The following SNX27 variants were observed in gnomAD, a reference collection of about 807,000 sequenced individuals.
SNX27 encodes the protein sorting nexin 27.
A neutral mutation model predicts 71.6 loss-of-function variants in SNX27; 22 were observed. That is an observed-to-expected ratio of 0.31 (90% CI 0.22 to 0.44). The LOEUF is 0.44. Among genes scored for constraint, SNX27 ranks in the 20% least tolerant of loss-of-function variants. SNX27 has a pLI of 1.00. For missense variants in SNX27, 531 were observed against 698.6 expected (o/e 0.76, Z 2.70); for synonymous variants, 269 against 277.2 (o/e 0.97, Z 0.29).
At chr1:151,624,340 G>T (rs1408735284) in intron 1 of SNX27, among the ~76,000 whole-genome samples, 2 of 150,750 alleles carry the variant, frequency 1.3e-5, no homozygotes, top group Non-Finnish European at 2.9e-5. Flanking sequence ...TTGGTGACAA[G>T]TGGTTACATT....
chr1:151,651,958 G>A (rs927956695), intron 2 of SNX27, among the ~76,000 whole-genome samples: 17 of 152,226 alleles, frequency 1.1e-4, no homozygotes, highest in East Asian at 7.8e-4. Flanking sequence ...CCGGCACCTG[G>A]GGAGGCCGAG....
intron 2 of SNX27, among the ~76,000 whole-genome samples, chr1:151,648,698 C>T (rs182236483): frequency 2.2e-4 from 34 of 152,104 alleles, no homozygotes; most frequent in Middle Eastern, 3.4e-3. Context: ...GGATTACAGG[C>T]GTGAGCCACC....
chr1:151,612,453 G>C lies in SNX27; in HGVS notation c.252G>C (p.Val84=), dbSNP rs1415146870. The C allele has an allele frequency of 4.9e-6, 7 of 1,437,722 alleles. No individual in the cohort carries two copies. Among genetic ancestry groups the C allele is most frequent in the Non-Finnish European group, 5.5e-6 (6 of 1,096,576 alleles). The allele number at this position is 1,437,722 out of a possible 1,614,324, so 89.1% of individuals were successfully genotyped here. A position where few individuals can be genotyped will look rare whatever the true frequency, so the allele number is the denominator to read the frequency against. The change falls in exon 1 of 12, where the codon GTG becomes GTC. Residue 84 remains valine (V), a synonymous_variant. Transcript: ENST00000458013. This position sits in a 1 kb window ranked among gnomAD's most constrained non-coding sequence, Gnocchi z 5.2. The part of the protein sequence containing the change: ...LYAPLQHVSA[V]LPGGAADRAG... ...CGCCGCTGCAGCATGTGAGCGCCGT[G>C]CTGCCCGGGGGGGCGGCCGATCGGG... is the stretch of plus-strand genomic sequence containing the variant.
At chr1:151,681,557 T>C (rs1670967912) in intron 7 of SNX27, among the ~76,000 whole-genome samples, 1 of 152,142 alleles carries the variant, frequency 6.6e-6, no homozygotes, top group Non-Finnish European at 1.5e-5. Flanking sequence ...GACTTAATCT[T>C]GAACTCATTT....
intron 2 of SNX27, among the ~76,000 whole-genome samples, chr1:151,656,535 T>G (rs1420403252): frequency 6.6e-6 from 1 of 152,192 alleles, no homozygotes; most frequent in Non-Finnish European, 1.5e-5. Flanking sequence ...GAGAATAAAT[T>G]GGTACAACCA....
intron 2 of SNX27, among the ~76,000 whole-genome samples, chr1:151,641,695 CAT>C (rs1285974901): frequency 1.6e-5 from 2 of 125,020 alleles, no homozygotes; most frequent in East Asian, 4.7e-4. Flanking sequence ...ATATATATAT[CAT>C]ATATATGATA....
chr1:151,655,952 C>T (rs1170507514), intron 2 of SNX27, among the ~76,000 whole-genome samples: 10 of 152,066 alleles, frequency 6.6e-5, no homozygotes, highest in Non-Finnish European at 2.9e-5. Context: ...TGGCCGGACA[C>T]GGGTCTCACA....
chr1:151,693,492 G>A lies in SNX27; in HGVS notation c.1578+9G>A. 1 of 1,614,034 alleles carries A rather than the reference G, an allele frequency of 6.2e-7. No homozygotes were observed. Among genetic ancestry groups the A allele is most frequent in the Non-Finnish European group, 8.5e-7 (1 of 1,179,932 alleles). On this transcript the variant is annotated intron_variant, in intron 11 of 11. Transcript: ENST00000458013. ...TCAAGTGGAGAAAAGAGGTAATTCTGAACAGTCCTTGAATTGACCTTTTCA... is the reference window on the plus strand; with the variant it reads ...TCAAGTGGAGAAAAGAGGTAATTCTAAACAGTCCTTGAATTGACCTTTTCA...
At chr1:151,620,533 A>C (rs1332487142) in intron 1 of SNX27, among the ~76,000 whole-genome samples, 1 of 152,144 alleles carries the variant, frequency 6.6e-6, no homozygotes, top group African/African-American at 2.4e-5. Flanking sequence ...TTATTTCACA[A>C]TCGAATCCAG....
At chr1:151,637,311 T>C (rs1486730561) in intron 1 of SNX27, among the ~76,000 whole-genome samples, 1 of 152,058 alleles carries the variant, frequency 6.6e-6, no homozygotes, top group Non-Finnish European at 1.5e-5. Flanking sequence ...CCCAAGTAGC[T>C]GGGACTACAG....
At chr1:151,640,599 T>G (rs1340905418) in intron 2 of SNX27, among the ~76,000 whole-genome samples, 1 of 152,048 alleles carries the variant, frequency 6.6e-6, no homozygotes, top group Non-Finnish European at 1.5e-5. Context: ...AGTCTCGAAC[T>G]CCTGACCTCA....
At chr1:151,669,918 A>G (rs957401182) in intron 7 of SNX27, among the ~76,000 whole-genome samples, 1 of 152,116 alleles carries the variant, frequency 6.6e-6, no homozygotes, top group Non-Finnish European at 1.5e-5. Context: ...TTAGTAATTT[A>G]AAAATGTACA....
intron 2 of SNX27, among the ~76,000 whole-genome samples, chr1:151,647,564 T>C (rs3965004): frequency 1.6e-5 from 2 of 122,928 alleles, no homozygotes; most frequent in Non-Finnish European, 3.3e-5. Context: ...CCCTGAAACC[T>C]TGCACATATC....
chr1:151,685,818 C>T (rs1456227615), intron 8 of SNX27, among the ~76,000 whole-genome samples: 4 of 152,110 alleles, frequency 2.6e-5, no homozygotes, highest in Non-Finnish European at 4.4e-5. Flanking sequence ...AGAAAATTGC[C>T]GAAGATCAGG....
intron 1 of SNX27, among the ~76,000 whole-genome samples, chr1:151,626,070 A>G (rs959468199): frequency 5.3e-5 from 8 of 152,154 alleles, no homozygotes; most frequent in African/African-American, 9.6e-5. Context: ...TGTCGCTTGC[A>G]GTGAGCCGAG....
At position 151,664,293 on chromosome 1, in the gene SNX27, C is replaced by T. The variant is rs549561840; in HGVS notation, c.907-1640C>T. ...GTTTTTAGATTCAGTGTGATTTAAT[C>T]GATAACATATATTATCTTTTTGATG... On this transcript the variant is annotated intron_variant, in intron 5 of 11. Coordinates refer to ENST00000458013, the MANE Select transcript of SNX27 (RefSeq NM_001330723.2). 5.1e-4 allele frequency among the ~76,000 whole-genome samples: 76 copies of T among 150,494 alleles called. 1 individual carries two copies. The highest frequency in any genetic ancestry group is 3.5e-3 in the Middle Eastern group (1 of 284).
intron 2 of SNX27, among the ~76,000 whole-genome samples, chr1:151,650,852 C>T (rs1446971550): frequency 6.6e-6 from 1 of 151,896 alleles, no homozygotes; most frequent in Admixed American, 6.6e-5. Flanking sequence ...GCACATCTTG[C>T]ACCGCCCTTA....
At chr1:151,616,136 G>A (rs1667414578) in intron 1 of SNX27, among the ~76,000 whole-genome samples, 1 of 152,186 alleles carries the variant, frequency 6.6e-6, no homozygotes, top group South Asian at 2.1e-4. Flanking sequence ...TCCCTTTGAT[G>A]TGTATGTACC....
At chr1:151,690,590 A>G (rs1671391911) in intron 8 of SNX27, among the ~76,000 whole-genome samples, 1 of 151,566 alleles carries the variant, frequency 6.6e-6, no homozygotes, top group African/African-American at 2.4e-5. Flanking sequence ...AGCTAGGACT[A>G]CAGGTGCCCG....
Sources: gnomAD v4.1 joint callset for allele counts (sites outside exome capture counted in the v4.1 genomes callset) on GRCh38, gnomAD v4.1.1 for gene constraint, Gnocchi (gnomAD v3.1) non-coding constraint, MANE v1.5 for transcripts, NCBI Gene and HGNC (gene_info 2026-07-23, HGNC 2026-07-21) for gene names.